CRPPA: variants seen among roughly 807,000 people sequenced by gnomAD.
CRPPA encodes D-ribitol-5-phosphate cytidylyltransferase.
Under a neutral mutation model 52.0 loss-of-function variants are expected in CRPPA, and 43 were observed. The ratio of observed to expected loss-of-function variants is 0.83; its 90% CI spans 0.65 to 1.07. The LOEUF (loss-of-function observed/expected upper bound fraction) is 1.07, where lower values mean the gene tolerates loss of function less well. Ranked by LOEUF, CRPPA falls within the 50% of genes least tolerant of loss-of-function variation. The pLI, the probability that CRPPA is intolerant of heterozygous loss-of-function variation, is 0.00. For missense variants in CRPPA, 629 were observed against 551.7 expected, an observed-to-expected ratio of 1.14 and a Z score of -1.40; for synonymous variants, 250 against 203.5, an observed-to-expected ratio of 1.23 and a Z score of -1.94.
chr7:16,257,109 C>A (rs1201402583), intron 8 of CRPPA, among the ~76,000 whole-genome samples: 7 of 152,044 alleles, frequency 4.6e-5, no homozygotes, highest in Admixed American at 4.6e-4. Flanking sequence ...ATCCTTATAA[C>A]AACTTAAGAA....
chr7:16,297,859 G>A (rs960294490), intron 5 of CRPPA, among the ~76,000 whole-genome samples: 5 of 152,138 alleles, frequency 3.3e-5, no homozygotes, highest in Non-Finnish European at 2.9e-5. Flanking sequence ...CTGGCAGATC[G>A]TGGGACTTAG....
chr7:16,269,310 AAG>A, intron 6 of CRPPA: 1 of 152,316 alleles, frequency 6.6e-6, no homozygotes, highest in African/African-American at 2.4e-5. Flanking sequence ...TAAAAAAAAA[AAG>A]ACTGGGGACA....
At chr7:16,174,506 G>A (rs17169303) in intron 9 of CRPPA, among the ~76,000 whole-genome samples, 3,301 of 152,138 alleles carry the variant, frequency 0.022, 130 homozygotes, top group African/African-American at 0.075. Flanking sequence ...GCTGACCCAT[G>A]CAAAAAATCC....
chr7:16,331,965 C>A (rs10250496), intron 3 of CRPPA, among the ~76,000 whole-genome samples: 3,204 of 152,180 alleles, frequency 0.021, 102 homozygotes, highest in African/African-American at 0.071. Flanking sequence ...TGTAAGATAG[C>A]AAACCACAGA....
At chr7:16,292,236 T>C (rs757185822) in intron 5 of CRPPA, among the ~76,000 whole-genome samples, 1 of 151,972 alleles carries the variant, frequency 6.6e-6, no homozygotes, top group African/African-American at 2.4e-5. Context: ...TGGTCCACAA[T>C]GTACTAGAGA....
intron 9 of CRPPA, among the ~76,000 whole-genome samples, chr7:16,183,668 A>C (rs1781452984): frequency 6.6e-6 from 1 of 152,020 alleles, no homozygotes; most frequent in African/African-American, 2.4e-5. Context: ...TGTCTATTCT[A>C]CCATCCTCAG....
chr7:16,204,551 A>C (rs549159537), intron 9 of CRPPA, among the ~76,000 whole-genome samples: 1 of 152,282 alleles, frequency 6.6e-6, no homozygotes, highest in East Asian at 1.9e-4. Flanking sequence ...TAGATACACT[A>C]AAAGCCAAGA....
At chr7:16,326,981 G>T (rs1015098045) in intron 3 of CRPPA, among the ~76,000 whole-genome samples, 1 of 152,152 alleles carries the variant, frequency 6.6e-6, no homozygotes, top group Non-Finnish European at 1.5e-5. Flanking sequence ...AAAAGTAGGA[G>T]ATTGGGTCTT....
intron 3 of CRPPA, among the ~76,000 whole-genome samples, chr7:16,334,226 C>G (rs1174721305): frequency 6.6e-6 from 1 of 152,142 alleles, no homozygotes; most frequent in Non-Finnish European, 1.5e-5. Context: ...GCCCAGGTGT[C>G]CTCGTTCAGG....
intron 9 of CRPPA, among the ~76,000 whole-genome samples, chr7:16,132,005 T>A (rs752195359): frequency 4.6e-5 from 7 of 152,154 alleles, no homozygotes; most frequent in Non-Finnish European, 1.0e-4. Context: ...GAAGAGGTAC[T>A]GCAAACAGCT....
At chr7:16,245,206 C>T (rs1783236368) in intron 8 of CRPPA, among the ~76,000 whole-genome samples, 1 of 152,196 alleles carries the variant, frequency 6.6e-6, no homozygotes, top group Non-Finnish European at 1.5e-5. Context: ...TATGAATTTG[C>T]ACATGCAAAC....
intron 9 of CRPPA, among the ~76,000 whole-genome samples, chr7:16,150,706 C>T (rs985349091): frequency 5.9e-5 from 9 of 152,136 alleles, no homozygotes; most frequent in Admixed American, 5.9e-4. Context: ...CCATTTTGTG[C>T]TGCTTAACAG....
intron 2 of CRPPA, among the ~76,000 whole-genome samples, chr7:16,397,044 CAT>C (rs776920698): frequency 1.7e-4 from 26 of 152,054 alleles, no homozygotes; most frequent in Non-Finnish European, 2.8e-4. Context: ...ATGTGTAACA[CAT>C]GTGACACATG....
rs115299699 is a variant in CRPPA, at chr7:16,391,294, T to C, written c.534+14767A>G. 3.0e-3 allele frequency among the ~76,000 whole-genome samples: 456 copies of C among 152,236 alleles called. 2 individuals carry two copies. The highest frequency in any genetic ancestry group is 1.0e-2 in the African/African-American group (414 of 41,554). On this transcript the variant is annotated intron_variant, in intron 2 of 9. Coordinates refer to ENST00000407010, the MANE Select transcript of CRPPA (RefSeq NM_001101426.4). Reference sequence around the variant, plus strand: ...GTCCTTGATTTCTCCCCCACTCTTATAATTCAGCCCATCAGTAATCCAGTC... The same window carrying C: ...GTCCTTGATTTCTCCCCCACTCTTACAATTCAGCCCATCAGTAATCCAGTC...
rs532990284 is a variant in CRPPA, at chr7:16,156,302, C to T, written c.1251+59764G>A. 3.0e-3 allele frequency among the ~76,000 whole-genome samples: 451 copies of T among 152,216 alleles called. 3 individuals are homozygous for T. Among genetic ancestry groups the T allele is most frequent in the African/African-American group, 0.01 (433 of 41,540 alleles). The stretch of plus-strand genomic sequence containing the variant: ...TAGACAAGACTTTCTCAAGTTTTGG[C>T]CACACTTCTACTTTGCAGTCAATTT... On this transcript the variant is annotated intron_variant, in intron 9 of 9. Coordinates refer to ENST00000407010, the MANE Select transcript of CRPPA (RefSeq NM_001101426.4).
chr7:16,134,583 T>G (rs1215582534), intron 9 of CRPPA, among the ~76,000 whole-genome samples: 1 of 152,182 alleles, frequency 6.6e-6, no homozygotes, highest in Non-Finnish European at 1.5e-5. Flanking sequence ...TTTACATACA[T>G]TTGACTGCAT....
chr7:16,089,392 A>G lies in CRPPA; in HGVS notation c.*2303T>C, dbSNP rs1242397059. Reference sequence around the variant, plus strand: ...CATGTACATATATACGTATATATGTATGTACATAATGTGTATATATGTACG... The same window carrying G: ...CATGTACATATATACGTATATATGTGTGTACATAATGTGTATATATGTACG... On this transcript the variant is annotated 3_prime_UTR_variant, in exon 10 of 10. Transcript: ENST00000407010. 1 of 371,172 alleles carries G rather than the reference A, an allele frequency of 2.7e-6. No individual in the cohort carries two copies. Among genetic ancestry groups the G allele is most frequent in the Admixed American group, 2.5e-5 (1 of 40,592 alleles). 23.0% of individuals were successfully genotyped at this position (371,172 alleles called of 1,614,324 possible).
At position 16,221,136 on chromosome 7, in the gene CRPPA, C is replaced by T. The variant is rs184767008; in HGVS notation, c.1120-4939G>A. On this transcript the variant is annotated intron_variant, in intron 8 of 9. Transcript: ENST00000407010. Reference sequence around the variant, plus strand: ...AACAGAACAGAGCCCTCAGAAATAACGCCACATATCTACAACTATCTAATC... The same window carrying T: ...AACAGAACAGAGCCCTCAGAAATAATGCCACATATCTACAACTATCTAATC... Among the ~76,000 whole-genome samples the T allele has an allele frequency of 7.9e-5, 12 of 152,082 alleles. No individual in the cohort carries two copies. The South Asian group carries it at 8.3e-4, about 11-fold the overall frequency.
chr7:16,335,762 A>G (rs1011081313), intron 3 of CRPPA, among the ~76,000 whole-genome samples: 1 of 152,230 alleles, frequency 6.6e-6, no homozygotes, highest in Non-Finnish European at 1.5e-5. Flanking sequence ...GACAACAACC[A>G]TATACAGGAA....
Sources: gnomAD v4.1 joint callset for allele counts (sites outside exome capture counted in the v4.1 genomes callset) on GRCh38, gnomAD v4.1.1 for gene constraint, MANE v1.5 for transcripts, NCBI Gene and HGNC (gene_info 2026-07-23, HGNC 2026-07-21) for gene names.